Variants in MYO5B observed in about 807,000 individuals in gnomAD.
MYO5B encodes the protein myosin VB.
In MYO5B, 143 loss-of-function variants were observed where a neutral mutation model predicts 229.3. The observed-to-expected ratio is 0.62, with a 90% CI of 0.54 to 0.72. The LOEUF (loss-of-function observed/expected upper bound fraction) is 0.72, where lower values mean the gene tolerates loss of function less well. MYO5B is among the 30% of genes least tolerant of loss of function. MYO5B has a pLI of 0.00. For synonymous variants in MYO5B, 918 were observed against 885.2 expected, an observed-to-expected ratio of 1.04 and a Z score of -0.66; for missense variants, 2,321 against 2,331.0, an observed-to-expected ratio of 1.00 and a Z score of 0.09.
chr18:50,022,071 A>C (rs1156582836), intron 4 of MYO5B, among the ~76,000 whole-genome samples: 2 of 152,122 alleles, frequency 1.3e-5, no homozygotes, highest in East Asian at 3.9e-4. Flanking sequence ...TTTTCACCCC[A>C]GGAGTGTCTC....
At chr18:50,080,744 G>C (rs55740515) in intron 1 of MYO5B, among the ~76,000 whole-genome samples, 14,167 of 152,216 alleles carry the variant, frequency 0.093, 1,210 homozygotes, top group African/African-American at 0.23. Flanking sequence ...GTGCCAGGTT[G>C]CCATGCTGGG....
intron 29 of MYO5B, among the ~76,000 whole-genome samples, chr18:49,858,895 TG>T (rs2144070476): frequency 6.6e-6 from 1 of 152,304 alleles, no homozygotes; most frequent in South Asian, 2.1e-4. Context: ...TAGGCCATTA[TG>T]GGCCAAGGCC....
intron 8 of MYO5B, among the ~76,000 whole-genome samples, chr18:49,983,260 G>A (rs1387418346): frequency 6.6e-6 from 1 of 152,192 alleles, no homozygotes; most frequent in Non-Finnish European, 1.5e-5. Context: ...CAAGGCAACA[G>A]AACATGAAGA....
intron 1 of MYO5B, among the ~76,000 whole-genome samples, chr18:50,076,131 TTCC>T (rs1437929511): frequency 1.3e-5 from 2 of 152,160 alleles, no homozygotes; most frequent in African/African-American, 4.8e-5. Flanking sequence ...GGCAAGATAT[TTCC>T]TTTTTCTTCT....
chr18:49,995,067 T>C (rs532384628), intron 5 of MYO5B, among the ~76,000 whole-genome samples: 3 of 152,046 alleles, frequency 2.0e-5, no homozygotes, highest in Non-Finnish European at 4.4e-5. Context: ...AGATAGAAAT[T>C]CAGATATACC....
chr18:49,974,498 T>C lies in MYO5B; in HGVS notation c.1174A>G (p.Met392Val), dbSNP rs1434729915. The C allele has an allele frequency of 1.2e-6, 2 of 1,614,030 alleles. No individual in the cohort carries two copies. Among genetic ancestry groups the C allele is most frequent in the East Asian group, 2.2e-5 (1 of 44,888 alleles). The change falls in exon 10 of 40, where the codon ATG (methionine) becomes GTG (valine). Residue 392 changes from methionine to valine, a missense_variant. This residue lies in a region of MYO5B where 2,113 missense variants were observed against 2,044.7 expected (regional missense o/e 1.03). Transcript: ENST00000285039. The stretch of plus-strand genomic sequence containing the variant: ...GCATTGATCACCTGCTGCAGGGACA[T>C]GGTCTTGACGTAGGTCTCCGAGGTG... ...VTTSETYVKT[M>V]SLQQVINARN...
chr18:50,166,413 T>C (rs1310521368), intron 1 of MYO5B, among the ~76,000 whole-genome samples: 1 of 152,178 alleles, frequency 6.6e-6, no homozygotes, highest in Admixed American at 6.5e-5. Flanking sequence ...AGCAAGCAAA[T>C]TTGCTAACTC....
intron 1 of MYO5B, among the ~76,000 whole-genome samples, chr18:50,172,288 CAAAAA>C (rs55973734): frequency 1.1e-5 from 1 of 90,522 alleles, no homozygotes; most frequent in Non-Finnish European, 2.2e-5. Context: ...CAAAAAAAGA[CAAAAA>C]AAAAAAAAAA....
chr18:49,945,764 G>T (rs1434293150), intron 14 of MYO5B, among the ~76,000 whole-genome samples: 5 of 64,596 alleles, frequency 7.7e-5, no homozygotes, highest in Non-Finnish European at 2.1e-4. Flanking sequence ...GGGAGGAGGA[G>T]GAGGAGGAGA....
intron 12 of MYO5B, among the ~76,000 whole-genome samples, chr18:49,957,557 G>T (rs2025508267): frequency 6.6e-6 from 1 of 151,950 alleles, no homozygotes; most frequent in Non-Finnish European, 1.5e-5. Context: ...AAGGCAGGAG[G>T]ATCGCTTGAG....
intron 4 of MYO5B, among the ~76,000 whole-genome samples, chr18:50,015,497 AT>A (rs2026206749): frequency 6.6e-6 from 1 of 152,224 alleles, no homozygotes; most frequent in East Asian, 1.9e-4. Context: ...GTCCCTTAAC[AT>A]TTGTAAAATC....
At chr18:50,043,515 AT>A in intron 2 of MYO5B, among the ~76,000 whole-genome samples, 7 of 112,314 alleles carry the variant, frequency 6.2e-5, no homozygotes, top group African/African-American at 2.5e-4. Flanking sequence ...AAATATATTT[AT>A]AAGTATATAA....
At chr18:49,827,259 C>T (rs2023858187) in intron 39 of MYO5B, among the ~76,000 whole-genome samples, 1 of 152,230 alleles carries the variant, frequency 6.6e-6, no homozygotes, top group Admixed American at 6.5e-5. Context: ...AGCTACTATC[C>T]CCCTCTCTTC....
At chr18:49,903,215 T>C (rs186977877) in intron 20 of MYO5B, among the ~76,000 whole-genome samples, 1 of 152,074 alleles carries the variant, frequency 6.6e-6, no homozygotes, top group African/African-American at 2.4e-5. Flanking sequence ...GATACTTCAG[T>C]GAGTGTCCAC....
intron 1 of MYO5B, among the ~76,000 whole-genome samples, chr18:50,173,557 T>C (rs2032949973): frequency 6.6e-6 from 1 of 152,122 alleles, no homozygotes; most frequent in Non-Finnish European, 1.5e-5. Flanking sequence ...ACAGTTTCCA[T>C]TATGCGGGCC....
At chr18:49,897,945 G>T (rs2024798625) in intron 21 of MYO5B, among the ~76,000 whole-genome samples, 1 of 152,108 alleles carries the variant, frequency 6.6e-6, no homozygotes, top group Non-Finnish European at 1.5e-5. Context: ...CCCTATACGG[G>T]TGTGCCATCT....
intron 1 of MYO5B, among the ~76,000 whole-genome samples, chr18:50,184,478 T>C (rs1373935126): frequency 2.0e-5 from 3 of 152,098 alleles, no homozygotes; most frequent in Admixed American, 2.0e-4. Context: ...TGGAAGGCAG[T>C]AGAACACAGT....
At chr18:49,897,135 C>CT (rs1188122380) in intron 21 of MYO5B, among the ~76,000 whole-genome samples, 1 of 152,134 alleles carries the variant, frequency 6.6e-6, no homozygotes, top group Non-Finnish European at 1.5e-5. Flanking sequence ...TCACTGGGGG[C>CT]TTGTGGAGGC....
At chr18:49,866,567 T>C (rs1483858016) in intron 27 of MYO5B, among the ~76,000 whole-genome samples, 1 of 152,206 alleles carries the variant, frequency 6.6e-6, no homozygotes, top group Non-Finnish European at 1.5e-5. Context: ...TTGAACCTTC[T>C]AGGTACCTCA....
Sources: gnomAD v4.1 joint callset for allele counts (sites outside exome capture counted in the v4.1 genomes callset) on GRCh38, gnomAD v4.1.1 for gene constraint, gnomAD v4.1.1 regional missense constraint, MANE v1.5 for transcripts, NCBI Gene and HGNC (gene_info 2026-07-23, HGNC 2026-07-21) for gene names.